Variants in ACTL6B observed in about 807,000 individuals in gnomAD.
ACTL6B encodes the protein actin-like protein 6B.
Under a neutral mutation model 63.3 loss-of-function variants are expected in ACTL6B, and 48 were observed. That is an observed-to-expected ratio of 0.76 (90% CI 0.60 to 0.96). The LOEUF (loss-of-function observed/expected upper bound fraction) is 0.96. ACTL6B is among the 50% of genes least tolerant of loss of function. The pLI, the probability that ACTL6B is intolerant of heterozygous loss-of-function variation, is 0.00. For synonymous variants in ACTL6B, 230 were observed against 223.8 expected (o/e 1.03, Z -0.25); for missense variants, 350 against 572.2 (o/e 0.61, Z 3.96).
rs1439721550 is a variant in ACTL6B at position 100,648,792 on chromosome 7, G to A, written c.499C>T (p.Leu167=). 6.2e-7 allele frequency: 1 copy of A among 1,613,860 alleles called. No homozygotes were observed. Among genetic ancestry groups the A allele is most frequent in the African/African-American group, 1.3e-5 (1 of 74,904 alleles). ...GTGGTGTGGGTGGCTCCACTGTCCA[G>A]CACGAGGCCAGTGGACCGCCCGTTT... ...FANGRSTGLV[L]DSGATHTTAI... is the part of the protein sequence containing the mutation. The change falls in exon 6 of 14, where the codon CTG becomes TTG. Residue 167 remains leucine (L), a synonymous_variant. Coordinates refer to ENST00000160382, the MANE Select transcript of ACTL6B (RefSeq NM_016188.5). The surrounding 1 kb of genome is among the most constrained non-coding windows in gnomAD (Gnocchi z 4.4).
In ACTL6B at chr7:100,646,299, T is replaced by C. The variant is rs766021798; in HGVS notation, c.1150A>G (p.Met384Val). The C allele has an allele frequency of 1.2e-6, 2 of 1,614,080 alleles. No homozygotes were observed. The highest frequency in any genetic ancestry group is 1.1e-5 in the South Asian group (1 of 91,070). Residue 384 changes from methionine (M) to valine (V), a missense_variant, in exon 13 of 14, where the codon ATG (methionine) becomes GTG (valine). By Grantham distance (21) the Met-to-Val change is conservative. Transcript: ENST00000160382. This position sits in a 1 kb window ranked among gnomAD's most constrained non-coding sequence, Gnocchi z 6.1. ...RLKLIASNST[M>V]ERKFSPWIGG... ...ATCCAGGGGCTGAACTTGCGCTCCATGGTGCTGTTGCTGGCAATGAGTTTC... is the reference window on the plus strand; with the variant it reads ...ATCCAGGGGCTGAACTTGCGCTCCACGGTGCTGTTGCTGGCAATGAGTTTC...
Position 100,647,325 on chromosome 7 carries a change from T to C in ACTL6B, c.760-41A>G, listed in dbSNP as rs1803843134. 1 of 1,610,094 alleles carries C rather than the reference T, an allele frequency of 6.2e-7. No homozygotes were observed. Among genetic ancestry groups the C allele is most frequent in the South Asian group, 1.1e-5 (1 of 90,996 alleles). ...AGGTGGTGAGGGCCTGCCTTCCCCG[T>C]GAGCAGCACCCCCTGCCCCGCTCCC... On this transcript the variant is annotated intron_variant, in intron 8 of 13. Transcript: ENST00000160382. This position sits in a 1 kb window ranked among gnomAD's most constrained non-coding sequence, Gnocchi z 4.4.
At position 100,647,160 on chromosome 7, in the gene ACTL6B, A is replaced by AGGG; in HGVS notation, c.821+62_821+63insCCC. The AGGG allele has an allele frequency of 1.9e-6, 3 of 1,556,036 alleles. No individual in the cohort carries two copies. The highest frequency in any genetic ancestry group is 1.8e-6 in the Non-Finnish European group (2 of 1,128,908). On this transcript the variant is annotated intron_variant, in intron 9 of 13. Transcript: ENST00000160382. This position sits in a 1 kb window ranked among gnomAD's most constrained non-coding sequence, Gnocchi z 4.4. Reference sequence around the variant, plus strand: ...TGCGTGGGCAGCACCAGAGCCCCCCAGCCCACCCCAAGAGTGCCGGTTCTG... The same window carrying AGGG: ...TGCGTGGGCAGCACCAGAGCCCCCCAGGGGCCCACCCCAAGAGTGCCGGTTCTG...
chr7:100,655,137 G>C lies in ACTL6B; in HGVS notation c.269-18C>G. ...GTCCTCGACTGGGGCCAGAAGAGCA[G>C]CGTGCAGAGACGCAAGAAGGCAGGC... On this transcript the variant is annotated intron_variant, in intron 3 of 13. Coordinates refer to ENST00000160382, the MANE Select transcript of ACTL6B (RefSeq NM_016188.5). This position sits in a 1 kb window ranked among gnomAD's most constrained non-coding sequence, Gnocchi z 4.4. The C allele has an allele frequency of 6.2e-7, 1 of 1,602,694 alleles. No homozygotes were observed. Among genetic ancestry groups the C allele is most frequent in the South Asian group, 1.1e-5 (1 of 90,818 alleles).
intron 5 of ACTL6B, among the ~76,000 whole-genome samples, chr7:100,649,646 C>G (rs767460970): frequency 2.2e-4 from 34 of 152,298 alleles, no homozygotes; most frequent in African/African-American, 7.9e-4. Context: ...AAATTAGGGT[C>G]GCTATCACCC....
Position 100,643,333 on chromosome 7 carries a change from G to A in ACTL6B, c.1201-7C>T, listed in dbSNP as rs369760622. 12 of 1,613,478 alleles carry A rather than the reference G, an allele frequency of 7.4e-6. No homozygotes were observed. In the African/African-American group the frequency reaches 1.5e-4, roughly 20 times the overall value. ...ACATCTGCTGGAAAGTGCCCTGGGT[G>A]GAGGGGGTAATATCAGGGTCAGGGT... On this transcript the variant is annotated splice_polypyrimidine_tract_variant and splice_region_variant and intron_variant, in intron 13 of 13. Coordinates refer to ENST00000160382, the MANE Select transcript of ACTL6B (RefSeq NM_016188.5).
chr7:100,653,616 T>G (rs1033836316), intron 4 of ACTL6B, among the ~76,000 whole-genome samples: 6 of 152,076 alleles, frequency 3.9e-5, no homozygotes, highest in Non-Finnish European at 8.8e-5. Context: ...CAATCCAACC[T>G]GGGTGACAAA....
Position 100,648,712 on chromosome 7 carries a change from C to G in ACTL6B, c.562+17G>C. 1 of 1,613,918 alleles carries G rather than the reference C, an allele frequency of 6.2e-7. No homozygotes were observed. Among genetic ancestry groups the G allele is most frequent in the Non-Finnish European group, 8.5e-7 (1 of 1,179,924 alleles). ...CTGGTCCTCCTGGAGCACCCCCACC[C>G]CCTGCCGAAGCCCCACCTTGCTGCA... On this transcript the variant is annotated intron_variant, in intron 6 of 13. Transcript: ENST00000160382. The surrounding 1 kb of genome is among the most constrained non-coding windows in gnomAD (Gnocchi z 4.4).
chr7:100,652,183 G>A (rs1803951872), intron 4 of ACTL6B, among the ~76,000 whole-genome samples: 1 of 152,056 alleles, frequency 6.6e-6, no homozygotes, highest in African/African-American at 2.4e-5. Context: ...CGGATCGCGA[G>A]GTCAGGAGAT....
intron 1 of ACTL6B, 83 bp downstream of exon 1, chr7:100,656,247 G>A: frequency 7.5e-7 from 1 of 1,337,420 alleles, no homozygotes; most frequent in Non-Finnish European, 9.6e-7. Context: ...GAGGTGACAG[G>A]CCCCGGGGTG....
chr7:100,649,588 G>A lies in ACTL6B; in HGVS notation c.467+450C>T, dbSNP rs555016867. 4.1e-4 allele frequency among the ~76,000 whole-genome samples: 63 copies of A among 152,284 alleles called. 1 individual carries two copies. The highest frequency in any genetic ancestry group is 1.3e-3 in the African/African-American group (54 of 41,570). On this transcript the variant is annotated intron_variant, in intron 5 of 13. Transcript: ENST00000160382. ...GCTGGGATTACAGGCGTGAGCCACC[G>A]CGCCTGGCCAGCCCCTTTATTTTTG...
Position 100,646,195 on chromosome 7 carries a change from T to C in ACTL6B, c.1200+54A>G. 1 of 1,475,500 alleles carries C rather than the reference T, an allele frequency of 6.8e-7. No homozygotes were observed. 91.4% of individuals were successfully genotyped at this position (1,475,500 alleles called of 1,614,324 possible). A position where few individuals can be genotyped will look rare whatever the true frequency, so the allele number is the denominator to read the frequency against. On this transcript the variant is annotated intron_variant, in intron 13 of 13. Coordinates refer to ENST00000160382, the MANE Select transcript of ACTL6B (RefSeq NM_016188.5). This position sits in a 1 kb window ranked among gnomAD's most constrained non-coding sequence, Gnocchi z 6.1. ...GGCAGTCAAAGTGGCGGGCACTGTCTGGGTCTCCCCTCTCCCCCACAGTCA... is the reference window on the plus strand; with the variant it reads ...GGCAGTCAAAGTGGCGGGCACTGTCCGGGTCTCCCCTCTCCCCCACAGTCA...
At position 100,647,643 on chromosome 7, in the gene ACTL6B, G is replaced by A. The variant is rs969505750; in HGVS notation, c.670-110C>T. ...GCTACCTGGCGCTGCAGGCTCTGCTGTGCTGCCTGCAAGAGGGGTTTCTCA... is the reference window on the plus strand; with the variant it reads ...GCTACCTGGCGCTGCAGGCTCTGCTATGCTGCCTGCAAGAGGGGTTTCTCA... On this transcript the variant is annotated intron_variant, in intron 7 of 13. Coordinates refer to ENST00000160382, the MANE Select transcript of ACTL6B (RefSeq NM_016188.5). The surrounding 1 kb of genome is among the most constrained non-coding windows in gnomAD (Gnocchi z 4.4). 1 of 793,194 alleles carries A rather than the reference G, an allele frequency of 1.3e-6. No homozygotes were observed. Among genetic ancestry groups the A allele is most frequent in the Non-Finnish European group, 2.0e-6 (1 of 491,352 alleles). 49.1% of individuals were successfully genotyped at this position (793,194 alleles called of 1,614,324 possible). A position where few individuals can be genotyped will look rare whatever the true frequency, so the allele number is the denominator to read the frequency against.
chr7:100,654,927 C>A, intron 4 of ACTL6B, 92 bp downstream of exon 4: 2 of 1,070,434 alleles, frequency 1.9e-6, no homozygotes, highest in South Asian at 1.4e-5. Flanking sequence ...TGGCTCAGAG[C>A]AGTGGCTTGA....
In ACTL6B at chr7:100,646,627, A is replaced by G. The variant is rs759301425; in HGVS notation, c.1037T>C (p.Ile346Thr). The G allele has an allele frequency of 1.9e-6, 3 of 1,614,084 alleles. No homozygotes were observed. The highest frequency in any genetic ancestry group is 2.5e-6 in the Non-Finnish European group (3 of 1,179,998). ...DIRPGLYGSV[I>T]VTGGNTLLQG... ...CAGCAGTGTGTTCCCGCCGGTGACA[A>G]TGACACTCCCGTACAGGCCCTGAGA... is the stretch of plus-strand genomic sequence containing the variant. Residue 346 changes from isoleucine to threonine, a missense_variant, in exon 12 of 14, where the codon ATT becomes ACT. Coordinates refer to ENST00000160382, the MANE Select transcript of ACTL6B (RefSeq NM_016188.5). This position sits in a 1 kb window ranked among gnomAD's most constrained non-coding sequence, Gnocchi z 6.1.
chr7:100,656,225 C>T, intron 1 of ACTL6B, 105 bp downstream of exon 1: 2 of 1,275,892 alleles, frequency 1.6e-6, no homozygotes. Flanking sequence ...AGACTCGACC[C>T]GCTCGTGCGC....
Position 100,655,772 on chromosome 7 carries a change from T to C in ACTL6B, c.102+31A>G. 1.3e-6 allele frequency: 2 copies of C among 1,553,512 alleles called. No homozygotes were observed. Among genetic ancestry groups the C allele is most frequent in the Non-Finnish European group, 8.7e-7 (1 of 1,148,154 alleles). On this transcript the variant is annotated intron_variant, in intron 2 of 13. Coordinates refer to ENST00000160382, the MANE Select transcript of ACTL6B (RefSeq NM_016188.5). This position sits in a 1 kb window ranked among gnomAD's most constrained non-coding sequence, Gnocchi z 4.4. ...AGCCTGAAGAAGGGTCCGAAGCCCC[T>C]AGGATTTGGAGAGGAGACTGGAAGG...
At chr7:100,651,570 T>G (rs1385928017) in intron 4 of ACTL6B, among the ~76,000 whole-genome samples, 1 of 151,856 alleles carries the variant, frequency 6.6e-6, no homozygotes, top group African/African-American at 2.4e-5. Context: ...AAAAAGTTTT[T>G]TTTTAGATTA....
Position 100,648,704 on chromosome 7 carries a change from C to T in ACTL6B, c.562+25G>A. ...GTCAGGACCTGGTCCTCCTGGAGCA[C>T]CCCCACCCCCTGCCGAAGCCCCACC... On this transcript the variant is annotated intron_variant, in intron 6 of 13. Coordinates refer to ENST00000160382, the MANE Select transcript of ACTL6B (RefSeq NM_016188.5). The surrounding 1 kb of genome is among the most constrained non-coding windows in gnomAD (Gnocchi z 4.4). 3 of 1,613,620 alleles carry T rather than the reference C, an allele frequency of 1.9e-6. No homozygotes were observed. Among genetic ancestry groups the T allele is most frequent in the South Asian group, 1.1e-5 (1 of 91,000 alleles).
Sources: gnomAD v4.1 joint callset for allele counts (sites outside exome capture counted in the v4.1 genomes callset) on GRCh38, gnomAD v4.1.1 for gene constraint, Gnocchi (gnomAD v3.1) non-coding constraint, MANE v1.5 for transcripts, NCBI Gene and HGNC (gene_info 2026-07-23, HGNC 2026-07-21) for gene names.